The following TCF7L2 variants were observed in gnomAD, a reference collection of about 807,000 sequenced individuals.
TCF7L2 encodes the protein transcription factor 7-like 2.
In TCF7L2, 23 loss-of-function variants were observed where a neutral mutation model predicts 77.9. That is an observed-to-expected ratio of 0.30 (90% CI 0.21 to 0.42). TCF7L2 has a LOEUF of 0.42. TCF7L2 is among the 10% of genes least tolerant of loss of function. The probability of loss-of-function intolerance (pLI) is 1.00; values close to 1 mark genes in which losing one functional copy is unlikely to be tolerated. For missense variants in TCF7L2, 654 were observed against 793.1 expected (o/e 0.82, Z 2.11); for synonymous variants, 413 against 340.2 (o/e 1.21, Z -2.36).
At chr10:113,036,152 CATCATCATCA>C (rs2051200095) in intron 4 of TCF7L2, among the ~76,000 whole-genome samples, 1 of 151,294 alleles carries the variant, frequency 6.6e-6, no homozygotes, top group Non-Finnish European at 1.5e-5. Flanking sequence ...TCATCATCAT[CATCATCATCA>C]TCTGCCCTTT....
chr10:113,095,584 C>T (rs377111726), intron 5 of TCF7L2, among the ~76,000 whole-genome samples: 5 of 152,298 alleles, frequency 3.3e-5, no homozygotes, highest in African/African-American at 1.2e-4. Context: ...GACGTAGTCC[C>T]ACTCTACTTA....
chr10:112,986,281 C>G lies in TCF7L2; in HGVS notation c.450+21657C>G, dbSNP rs145952186. On this transcript the variant is annotated intron_variant, in intron 4 of 13. Transcript: ENST00000627217. The stretch of plus-strand genomic sequence containing the variant: ...TTTCTCGGGTTCTCTCTCTTCCTCT[C>G]TTGCCTTTCCTCCTTTCTTTGAGCT... Among the ~76,000 whole-genome samples, 438 of 152,220 alleles carry G rather than the reference C, an allele frequency of 2.9e-3. 3 individuals are homozygous for G. Among genetic ancestry groups the G allele is most frequent in the African/African-American group, 9.6e-3 (400 of 41,528 alleles).
Position 113,152,443 on chromosome 10 carries a change from A to G in TCF7L2, c.1269+3A>G, listed in dbSNP as rs2070939461. 4 of 1,610,852 alleles carry G rather than the reference A, an allele frequency of 2.5e-6. No homozygotes were observed. The South Asian group carries it at 3.3e-5, about 13-fold the overall frequency. ...GCTGGTCCGCGCGGGATAACTATGTAGGTGGATCATTTTCGTTAGGATTGG... is the reference window on the plus strand; with the variant it reads ...GCTGGTCCGCGCGGGATAACTATGTGGGTGGATCATTTTCGTTAGGATTGG... On this transcript the variant is annotated splice_donor_region_variant and intron_variant, in intron 11 of 13. Transcript: ENST00000627217.
intron 3 of TCF7L2, among the ~76,000 whole-genome samples, chr10:112,961,923 G>A (rs901317574): frequency 4.6e-5 from 7 of 152,100 alleles, no homozygotes; most frequent in African/African-American, 1.7e-4. Flanking sequence ...GAGAGAGAGA[G>A]AGAAGGTAAA....
At chr10:113,130,181 G>A (rs1448578441) in intron 5 of TCF7L2, among the ~76,000 whole-genome samples, 1 of 152,000 alleles carries the variant, frequency 6.6e-6, no homozygotes, top group Admixed American at 6.6e-5. Context: ...GCAGTTTTTT[G>A]GGGAGGGGGA....
At chr10:112,956,728 G>T (rs1005412963) in intron 3 of TCF7L2, among the ~76,000 whole-genome samples, 5 of 152,106 alleles carry the variant, frequency 3.3e-5, no homozygotes, top group African/African-American at 1.2e-4. Context: ...CTTTTTGCTG[G>T]CAAGCGCACC....
chr10:112,985,196 C>T (rs2041256702), intron 4 of TCF7L2, among the ~76,000 whole-genome samples: 1 of 152,100 alleles, frequency 6.6e-6, no homozygotes, highest in Non-Finnish European at 1.5e-5. Context: ...ACTTTGGTTC[C>T]TTTCACTTCT....
chr10:112,951,536 C>G lies in TCF7L2; in HGVS notation c.310C>G (p.Pro104Ala), dbSNP rs1450269587. 7.0e-7 allele frequency: 1 copy of G among 1,427,654 alleles called. No individual in the cohort carries two copies. The highest frequency in any genetic ancestry group is 1.9e-4 in the Middle Eastern group (1 of 5,158). The allele number at this position is 1,427,654 out of a possible 1,614,324, so 88.4% of individuals were successfully genotyped here. ...TAAGGGGCCACCGTATCCCGGCTAC[C>G]CCTTCATCATGATCCCCGACCTGAC... Residue 104 changes from proline (P) to alanine (A), a missense_variant, in exon 3 of 14, where the codon CCC becomes GCC. Pro to Ala is a conservative substitution (Grantham distance 27). Around this residue, in one of 6 missense-constraint regions of TCF7L2, gnomAD observed 132 missense variants for 123.7 expected, o/e 1.07. Transcript: ENST00000627217.
chr10:113,050,911 A>G (rs964569055), intron 5 of TCF7L2, among the ~76,000 whole-genome samples: 1 of 152,196 alleles, frequency 6.6e-6, no homozygotes, highest in Non-Finnish European at 1.5e-5. Context: ...AGGTATTGAG[A>G]ATAACACCCA....
At chr10:112,958,262 G>GC (rs1487185608) in intron 3 of TCF7L2, among the ~76,000 whole-genome samples, 2 of 152,250 alleles carry the variant, frequency 1.3e-5, no homozygotes, top group Non-Finnish European at 2.9e-5. Flanking sequence ...GGAAGGAATG[G>GC]CCAGGAGTGG....
Position 112,968,568 on chromosome 10 carries a change from A to T in TCF7L2, c.450+3944A>T, listed in dbSNP as rs139613002. On this transcript the variant is annotated intron_variant, in intron 4 of 13. Coordinates refer to ENST00000627217, the MANE Select transcript of TCF7L2 (RefSeq NM_001146274.2). The stretch of plus-strand genomic sequence containing the variant: ...TTAAGTTTTTGGGGAGTCAAAAGGT[A>T]TACTCGGGTTTTCTTTTTCATTTTT... 3.9e-5 allele frequency among the ~76,000 whole-genome samples: 6 copies of T among 152,198 alleles called. No homozygotes were observed. The East Asian group carries it at 1.2e-3, about 29-fold the overall frequency.
chr10:113,012,204 G>A (rs7896091), intron 4 of TCF7L2, among the ~76,000 whole-genome samples: 4,981 of 152,228 alleles, frequency 0.033, 311 homozygotes, highest in African/African-American at 0.11. Context: ...TGGGGAATGC[G>A]AGCCATGCAC....
chr10:113,155,957 C>T (rs765725396), intron 11 of TCF7L2, among the ~76,000 whole-genome samples: 7 of 152,200 alleles, frequency 4.6e-5, no homozygotes, highest in Non-Finnish European at 8.8e-5. Context: ...AAGGCCAAAA[C>T]AAAGCTCCCA....
At chr10:113,018,444 C>CT (rs35916053) in intron 4 of TCF7L2, among the ~76,000 whole-genome samples, 14,114 of 92,508 alleles carry the variant, frequency 0.15, 2,249 homozygotes, top group African/African-American at 0.4. Context: ...CTCCTGAGTC[C>CT]TTTTTTTTTT....
rs192020033 is a variant in TCF7L2 at position 113,151,154 on chromosome 10, G to A, written c.1001+31G>A. 448 of 1,613,798 alleles carry A rather than the reference G, an allele frequency of 2.8e-4. No individual in the cohort carries two copies. Among genetic ancestry groups the A allele is most frequent in the Admixed American group, 1.7e-3 (105 of 60,006 alleles). The stretch of plus-strand genomic sequence containing the variant: ...TGTTGCTGTTTTTCTCACCTTCTTC[G>A]TAGCCGCAGTGTTCTGCAAGCCTGT... On this transcript the variant is annotated intron_variant, in intron 9 of 13. Coordinates refer to ENST00000627217, the MANE Select transcript of TCF7L2 (RefSeq NM_001146274.2). This position sits in a 1 kb window ranked among gnomAD's most constrained non-coding sequence, Gnocchi z 5.2.
chr10:113,031,480 CTTT>C (rs57567068), intron 4 of TCF7L2, among the ~76,000 whole-genome samples: 18 of 134,832 alleles, frequency 1.3e-4, no homozygotes, highest in African/African-American at 1.7e-4. Context: ...ACTGTGCAAC[CTTT>C]TTTTTTTTTT....
intron 4 of TCF7L2, among the ~76,000 whole-genome samples, chr10:112,995,940 C>T (rs1590170647): frequency 6.6e-6 from 1 of 152,176 alleles, no homozygotes; most frequent in African/African-American, 2.4e-5. Context: ...CTCAAATTTC[C>T]AGTGACTGTA....
intron 3 of TCF7L2, among the ~76,000 whole-genome samples, chr10:112,955,935 G>A (rs2033444441): frequency 6.6e-6 from 1 of 151,530 alleles, no homozygotes; most frequent in Admixed American, 6.6e-5. Context: ...GGTTTCGAAT[G>A]CCTCCTTACA....
intron 5 of TCF7L2, among the ~76,000 whole-genome samples, chr10:113,070,269 T>TTTTATATATA (rs1555004137): frequency 8.1e-6 from 1 of 124,138 alleles, no homozygotes; most frequent in African/African-American, 3.1e-5. Context: ...AAAAAAAAAT[T>TTTTATATATA]TATATATATA....
Sources: gnomAD v4.1 joint callset for allele counts (sites outside exome capture counted in the v4.1 genomes callset) on GRCh38, gnomAD v4.1.1 for gene constraint, gnomAD v4.1.1 regional missense constraint, Gnocchi (gnomAD v3.1) non-coding constraint, MANE v1.5 for transcripts, NCBI Gene and HGNC (gene_info 2026-07-23, HGNC 2026-07-21) for gene names.